TYW1: variants seen among roughly 807,000 people sequenced by gnomAD.
TYW1 encodes S-adenosyl-L-methionine-dependent tRNA 4-demethylwyosine synthase TYW1.
TYW1 carries 46 observed loss-of-function variants against 96.2 expected under a neutral mutation model. The observed-to-expected ratio is 0.48, with a 90% CI of 0.38 to 0.61. The LOEUF is 0.61. TYW1 is among the 20% of genes least tolerant of loss of function. TYW1 has a pLI of 0.00. For missense variants in TYW1, 684 were observed against 909.6 expected, an observed-to-expected ratio of 0.75 and a Z score of 3.19; for synonymous variants, 274 against 323.0, an observed-to-expected ratio of 0.85 and a Z score of 1.63.
At chr7:67,067,530 T>C (rs1300606875) in intron 10 of TYW1, 127 bp downstream of exon 10, 1 of 1,103,170 alleles carries the variant, frequency 9.1e-7, no homozygotes, top group African/African-American at 1.6e-5. Flanking sequence ...CAACTGTGAA[T>C]GTTAGTGTAT....
chr7:67,212,967 C>T (rs989528032), intron 15 of TYW1, among the ~76,000 whole-genome samples: 6 of 152,096 alleles, frequency 3.9e-5, no homozygotes, highest in Non-Finnish European at 5.9e-5. Context: ...CCTCTGCCCC[C>T]CAGGTTCAAA....
In TYW1 at chr7:67,129,984, C is replaced by T. The variant is rs564441478; in HGVS notation, c.1698+12366C>T. On this transcript the variant is annotated intron_variant, in intron 13 of 15. Transcript: ENST00000359626. Reference sequence around the variant, plus strand: ...CAGATTTGATAAGCTATCATTACTACGTATTGAAACTTGATATATGTGCTG... The same window carrying T: ...CAGATTTGATAAGCTATCATTACTATGTATTGAAACTTGATATATGTGCTG... Among the ~76,000 whole-genome samples, 10 of 151,886 alleles carry T rather than the reference C, an allele frequency of 6.6e-5. No individual in the cohort carries two copies. In the South Asian group the frequency reaches 1.2e-3, roughly 19 times the overall value.
In TYW1 at chr7:67,101,210, G is replaced by A. The variant is rs138273841; in HGVS notation, c.1562+2492G>A. ...AGGCCCACTGTTTTACTGGGGCCCA[G>A]TGTATGAGAGTGAAGTTTGGCAGTT... On this transcript the variant is annotated intron_variant, in intron 12 of 15. Coordinates refer to ENST00000359626, the MANE Select transcript of TYW1 (RefSeq NM_018264.4). Among the ~76,000 whole-genome samples, 23 of 152,274 alleles carry A rather than the reference G, an allele frequency of 1.5e-4. No individual in the cohort carries two copies. In the East Asian group the frequency reaches 4.3e-3, roughly 28 times the overall value.
At chr7:67,114,332 A>G (rs1030199343) in intron 12 of TYW1, 10 of 153,902 alleles carry the variant, frequency 6.5e-5, no homozygotes, top group African/African-American at 2.2e-4. Flanking sequence ...TCCTGCAGAT[A>G]TGTCAGGCCT....
intron 12 of TYW1, among the ~76,000 whole-genome samples, chr7:67,109,237 G>C (rs1797329224): frequency 7.6e-6 from 1 of 130,862 alleles, no homozygotes; most frequent in South Asian, 2.5e-4. Context: ...TAGTGCCACT[G>C]TACTCCGGCC....
intron 10 of TYW1, among the ~76,000 whole-genome samples, chr7:67,070,320 T>C (rs1308538003): frequency 6.6e-6 from 1 of 152,230 alleles, no homozygotes; most frequent in Non-Finnish European, 1.5e-5. Flanking sequence ...TCACATGTTC[T>C]TTCTGTTCCT....
chr7:67,109,512 T>G (rs1797339668), intron 12 of TYW1, among the ~76,000 whole-genome samples: 1 of 152,136 alleles, frequency 6.6e-6, no homozygotes, highest in African/African-American at 2.4e-5. Flanking sequence ...GAAAAAATGG[T>G]TGCATCTCAG....
intron 8 of TYW1, among the ~76,000 whole-genome samples, chr7:67,054,388 A>G (rs1562987388): frequency 1.3e-5 from 2 of 152,240 alleles, no homozygotes; most frequent in Non-Finnish European, 2.9e-5. Flanking sequence ...TGAACAGTAT[A>G]ATATGGAATT....
At position 67,098,674 on chromosome 7, in the gene TYW1, T is replaced by A. The variant is rs2844059; in HGVS notation, c.1518T>A (p.Ile506=). The change falls in exon 12 of 16, where the codon ATT becomes ATA. Residue 506 remains isoleucine, a synonymous_variant. Transcript: ENST00000359626. ...RFLKLLHQCK[I]SSFLVTNAQF... ...TGAAGCTACTCCACCAGTGTAAAAT[T>A]TCCAGCTTCCTGGTCACAAACGCAC... 1.2e-6 allele frequency: 2 copies of A among 1,613,936 alleles called. No homozygotes were observed. Among genetic ancestry groups the A allele is most frequent in the Non-Finnish European group, 1.7e-6 (2 of 1,179,950 alleles).
At chr7:67,026,054 A>G (rs990568084) in intron 7 of TYW1, among the ~76,000 whole-genome samples, 14 of 152,152 alleles carry the variant, frequency 9.2e-5, no homozygotes, top group Admixed American at 7.9e-4. Context: ...TAAAAGATAA[A>G]TAATTACCTA....
intron 7 of TYW1, among the ~76,000 whole-genome samples, chr7:67,035,127 T>TC (rs1794793867): frequency 6.6e-6 from 1 of 151,816 alleles, no homozygotes; most frequent in Non-Finnish European, 1.5e-5. Context: ...TTTCTTTCTT[T>TC]TTTTTTTTTG....
At chr7:67,123,775 T>G (rs1797831942) in intron 13 of TYW1, among the ~76,000 whole-genome samples, 2 of 152,192 alleles carry the variant, frequency 1.3e-5, no homozygotes, top group Non-Finnish European at 1.5e-5. Context: ...ACTGGTTGAA[T>G]TCCATGCAAC....
intron 13 of TYW1, among the ~76,000 whole-genome samples, chr7:67,175,009 AT>A (rs1433489360): frequency 3.3e-5 from 5 of 151,666 alleles, no homozygotes; most frequent in Non-Finnish European, 7.4e-5. Flanking sequence ...GCTTTTTTAA[AT>A]TTAAAACCTC....
intron 8 of TYW1, among the ~76,000 whole-genome samples, chr7:67,051,389 C>T (rs1707161754): frequency 1.3e-5 from 2 of 152,038 alleles, no homozygotes; most frequent in Admixed American, 1.3e-4. Context: ...CTCACTGTAG[C>T]CTTGAACTCC....
intron 13 of TYW1, among the ~76,000 whole-genome samples, chr7:67,149,722 A>ATATCTACC (rs1554376827): frequency 2.1e-5 from 3 of 140,120 alleles, no homozygotes; most frequent in Non-Finnish European, 3.1e-5. Flanking sequence ...AGGAAAAAAA[A>ATATCTACC]TATCTATCTA....
At chr7:67,010,753 A>G (rs7790453) in intron 4 of TYW1, among the ~76,000 whole-genome samples, 104,753 of 151,920 alleles carry the variant, frequency 0.69, 36,225 homozygotes, top group Middle Eastern at 0.75. Flanking sequence ...AGGATTACAG[A>G]CGTGAGTCAC....
At chr7:67,142,484 A>C (rs1798479886) in intron 13 of TYW1, among the ~76,000 whole-genome samples, 1 of 151,942 alleles carries the variant, frequency 6.6e-6, no homozygotes, top group Non-Finnish European at 1.5e-5. Context: ...TCTGGAGTGC[A>C]GTGGCATGAT....
intron 7 of TYW1, among the ~76,000 whole-genome samples, chr7:67,041,296 G>A (rs942895108): frequency 3.3e-5 from 5 of 151,772 alleles, no homozygotes; most frequent in Middle Eastern, 3.4e-3. Context: ...TCTTTTTCTG[G>A]CATTTTGTTT....
chr7:67,027,387 AAAT>A (rs1429376700), intron 7 of TYW1, among the ~76,000 whole-genome samples: 14 of 151,958 alleles, frequency 9.2e-5, no homozygotes, highest in African/African-American at 3.1e-4. Flanking sequence ...AAAAAAAATT[AAAT>A]TTATGAATGA....
Sources: gnomAD v4.1 joint callset for allele counts (sites outside exome capture counted in the v4.1 genomes callset) on GRCh38, gnomAD v4.1.1 for gene constraint, MANE v1.5 for transcripts, NCBI Gene and HGNC (gene_info 2026-07-23, HGNC 2026-07-21) for gene names.